The following MAP3K4 variants were observed in gnomAD, a reference collection of about 807,000 sequenced individuals.
MAP3K4 encodes mitogen-activated protein kinase kinase kinase 4.
In MAP3K4, 67 loss-of-function variants were observed where a neutral mutation model predicts 185.6. The ratio of observed to expected loss-of-function variants is 0.36; its 90% CI spans 0.30 to 0.44. The LOEUF (loss-of-function observed/expected upper bound fraction) is 0.44, where lower values mean the gene tolerates loss of function less well. Ranked by LOEUF, MAP3K4 falls within the 20% of genes least tolerant of loss-of-function variation. The pLI, the probability that MAP3K4 is intolerant of heterozygous loss-of-function variation, is 1.00. For synonymous variants in MAP3K4, 702 were observed against 710.4 expected (o/e 0.99, Z 0.19); for missense variants, 1,551 against 1,995.1 (o/e 0.78, Z 4.24).
At chr6:161,095,270 A>G (rs896815882) in intron 15 of MAP3K4, among the ~76,000 whole-genome samples, 1 of 152,148 alleles carries the variant, frequency 6.6e-6, no homozygotes, top group Non-Finnish European at 1.5e-5. Context: ...AACATCATTG[A>G]GCCTCTCTTT....
intron 1 of MAP3K4, 70 bp downstream of exon 1, chr6:160,992,153 C>A: frequency 7.0e-7 from 1 of 1,431,726 alleles, no homozygotes; most frequent in Non-Finnish European, 9.1e-7. Flanking sequence ...TCGGTCGGGC[C>A]CGAGGGCCTC....
rs1427529392 is a variant in MAP3K4 at position 161,106,756 on chromosome 6, A to AAT, written c.4048+53_4048+54dup. On this transcript the variant is annotated intron_variant, in intron 20 of 26. Coordinates refer to ENST00000392142, the MANE Select transcript of MAP3K4 (RefSeq NM_005922.4). The surrounding 1 kb of genome is among the most constrained non-coding windows in gnomAD (Gnocchi z 4.9). ...CAAGATAGTCCCTGTTAGAAGTAGC[A>AAT]ATAGTTATACTTCTTTAGGTTGAAT... is the stretch of plus-strand genomic sequence containing the variant. The AAT allele has an allele frequency of 3.4e-6, 5 of 1,452,350 alleles. No homozygotes were observed. Among genetic ancestry groups the AAT allele is most frequent in the Non-Finnish European group, 4.7e-6 (5 of 1,061,172 alleles). The allele number at this position is 1,452,350 out of a possible 1,614,324, so 90.0% of individuals were successfully genotyped here. A position where few individuals can be genotyped will look rare whatever the true frequency, so the allele number is the denominator to read the frequency against.
Position 161,098,337 on chromosome 6 carries a change from CT to C in MAP3K4, c.3585del (p.Ala1196LeufsTer43). On this transcript the variant is annotated frameshift_variant, in exon 17 of 27. Transcript: ENST00000392142. LOFTEE classifies it high-confidence loss of function. The surrounding 1 kb of genome is among the most constrained non-coding windows in gnomAD (Gnocchi z 4.4). ...GGCAGCCCTGCTGCTGCTGCTGCTG[CT>C]GCTGCTGCTGCTGTTGCTGCCAGTC... ...SHGSPAAAAAAAAAAVAASRP... is the reference protein window; with the variant it reads ...SHGSPAAAAAXAAAAVAASRP... 1 of 1,613,112 alleles carries C rather than the reference CT, an allele frequency of 6.2e-7. No homozygotes were observed. The highest frequency in any genetic ancestry group is 8.5e-7 in the Non-Finnish European group (1 of 1,179,680).
Position 161,080,428 on chromosome 6 carries a change from C to G in MAP3K4, c.2098-453C>G, listed in dbSNP as rs931434639. On this transcript the variant is annotated intron_variant, in intron 5 of 26. Transcript: ENST00000392142. This position sits in a 1 kb window ranked among gnomAD's most constrained non-coding sequence, Gnocchi z 4.8. ...TTGAAAACATTTTATCACGCAAATC[C>G]GGATGTTAGGAAGGGGTGGTGCGAA... 2.0e-5 allele frequency among the ~76,000 whole-genome samples: 3 copies of G among 152,056 alleles called. No individual in the cohort carries two copies. The highest frequency in any genetic ancestry group is 2.9e-5 in the Non-Finnish European group (2 of 68,024).
intron 1 of MAP3K4, among the ~76,000 whole-genome samples, chr6:161,002,493 G>C (rs1472123640): frequency 6.6e-6 from 1 of 150,438 alleles, no homozygotes; most frequent in East Asian, 2.0e-4. Context: ...AAATTTTCCT[G>C]ATTATAAAGG....
rs1032101723 is a variant in MAP3K4, at chr6:161,064,382, C to T, written c.1708-6226C>T. On this transcript the variant is annotated intron_variant, in intron 3 of 26. Transcript: ENST00000392142. The surrounding 1 kb of genome is among the most constrained non-coding windows in gnomAD (Gnocchi z 4.3). The stretch of plus-strand genomic sequence containing the variant: ...GAGGTATAGTATGAGGTAAGCATGT[C>T]ATTATTTTTCTGTTAATTGCTTATA... Among the ~76,000 whole-genome samples the T allele has an allele frequency of 6.6e-6, 1 of 151,700 alleles. No homozygotes were observed. The highest frequency in any genetic ancestry group is 2.4e-5 in the African/African-American group (1 of 41,326).
Position 161,110,977 on chromosome 6 carries a change from G to C in MAP3K4, c.4397-859G>C, listed in dbSNP as rs1778320652. Among the ~76,000 whole-genome samples, 1 of 152,202 alleles carries C rather than the reference G, an allele frequency of 6.6e-6. No individual in the cohort carries two copies. ...GCAGGAAGAGACTCCCTTAGAATCT[G>C]AAGCAGGTCAGCTCACTGGTGTCTT... On this transcript the variant is annotated intron_variant, in intron 23 of 26. Coordinates refer to ENST00000392142, the MANE Select transcript of MAP3K4 (RefSeq NM_005922.4). This position sits in a 1 kb window ranked among gnomAD's most constrained non-coding sequence, Gnocchi z 4.8.
intron 2 of MAP3K4, among the ~76,000 whole-genome samples, chr6:161,041,366 C>T (rs900387884): frequency 2.6e-5 from 4 of 152,200 alleles, no homozygotes; most frequent in Non-Finnish European, 5.9e-5. Flanking sequence ...CTCTACGCTG[C>T]CAGTCATCCC....
chr6:161,106,672 G>C lies in MAP3K4; in HGVS notation c.4015G>C (p.Val1339Leu). The C allele has an allele frequency of 6.2e-7, 1 of 1,611,656 alleles. No homozygotes were observed. The highest frequency in any genetic ancestry group is 8.5e-7 in the Non-Finnish European group (1 of 1,178,956). The part of the protein sequence containing the change: ...DNVMHVGLRK[V>L]TFKWQRGNKI... ...TGTTATGCACGTTGGCTTGAGGAAG[G>C]TGACCTTCAAATGGCAAAGAGGAAA... Residue 1339 changes from valine to leucine, a missense_variant, in exon 20 of 27, where the codon GTG becomes CTG. Val to Leu is a conservative substitution (Grantham distance 32). Around this residue, in one of 16 missense-constraint regions of MAP3K4, gnomAD observed 7 missense variants for 32.4 expected, o/e 0.22. Coordinates refer to ENST00000392142, the MANE Select transcript of MAP3K4 (RefSeq NM_005922.4). The surrounding 1 kb of genome is among the most constrained non-coding windows in gnomAD (Gnocchi z 4.9).
rs1777859463 is a variant in MAP3K4 at position 161,102,011 on chromosome 6, T to C, written c.3775+19T>C. 1 of 1,589,184 alleles carries C rather than the reference T, an allele frequency of 6.3e-7. No individual in the cohort carries two copies. The highest frequency in any genetic ancestry group is 8.6e-7 in the Non-Finnish European group (1 of 1,157,722). On this transcript the variant is annotated intron_variant, in intron 18 of 26. Coordinates refer to ENST00000392142, the MANE Select transcript of MAP3K4 (RefSeq NM_005922.4). ...CGAGATGGTGAGTGTTTTAAGGTGTTAGCTGCATTCACAACCAGTCTAATC... is the reference window on the plus strand; with the variant it reads ...CGAGATGGTGAGTGTTTTAAGGTGTCAGCTGCATTCACAACCAGTCTAATC...
In MAP3K4 at chr6:161,000,003, C is replaced by T. The variant is rs149254283; in HGVS notation, c.152+7920C>T. The stretch of plus-strand genomic sequence containing the variant: ...TTTCAGATACGTTGTTATTTTCAGG[C>T]GTCGGTCTGTACATCAAGAAGACAG... On this transcript the variant is annotated intron_variant, in intron 1 of 26. Transcript: ENST00000392142. Among the ~76,000 whole-genome samples the T allele has an allele frequency of 2.1e-3, 315 of 152,214 alleles. 3 individuals carry two copies. Among genetic ancestry groups the T allele is most frequent in the African/African-American group, 6.6e-3 (274 of 41,526 alleles).
chr6:161,014,133 C>A (rs1781973005), intron 1 of MAP3K4, among the ~76,000 whole-genome samples: 1 of 152,160 alleles, frequency 6.6e-6, no homozygotes, highest in Non-Finnish European at 1.5e-5. Context: ...TTGTAATAAC[C>A]TTGCTGGTTC....
At position 161,091,941 on chromosome 6, in the gene MAP3K4, G is replaced by A; in HGVS notation, c.3136-69G>A. ...GTTTTTAGAAAACATTTTAGACATG[G>A]CATTATAGTGTGTGATATTATTTAA... On this transcript the variant is annotated intron_variant, in intron 12 of 26. Coordinates refer to ENST00000392142, the MANE Select transcript of MAP3K4 (RefSeq NM_005922.4). The surrounding 1 kb of genome is among the most constrained non-coding windows in gnomAD (Gnocchi z 5.5). 1 of 1,296,406 alleles carries A rather than the reference G, an allele frequency of 7.7e-7. No individual in the cohort carries two copies. The highest frequency in any genetic ancestry group is 1.7e-5 in the Admixed American group (1 of 57,528). 80.3% of individuals were successfully genotyped at this position (1,296,406 alleles called of 1,614,324 possible). A position where few individuals can be genotyped will look rare whatever the true frequency, so the allele number is the denominator to read the frequency against.
chr6:161,090,624 G>C (rs1276245378), intron 11 of MAP3K4, among the ~76,000 whole-genome samples: 1 of 58,764 alleles, frequency 1.7e-5, no homozygotes, highest in Non-Finnish European at 4.2e-5. Flanking sequence ...GCCGTCCTGC[G>C]CATTGTAGGA....
At chr6:161,010,322 T>C (rs1781787256) in intron 1 of MAP3K4, among the ~76,000 whole-genome samples, 1 of 152,212 alleles carries the variant, frequency 6.6e-6, no homozygotes, top group African/African-American at 2.4e-5. Flanking sequence ...ATCATATTTT[T>C]TGGTTTGTTA....
At position 161,090,461 on chromosome 6, in the gene MAP3K4, A is replaced by C. The variant is rs552105621; in HGVS notation, c.2974-918A>C. Among the ~76,000 whole-genome samples the C allele has an allele frequency of 1.3e-4, 18 of 139,268 alleles. 1 individual carries two copies. Among genetic ancestry groups the C allele is most frequent in the Admixed American group, 1.2e-3 (17 of 13,948 alleles). The allele number at this position is 139,268 out of a possible 152,430, so 91.4% of individuals were successfully genotyped here. ...ATTGTAGGATGTTTAGAGCTAGGGC[A>C]GGGCTTCTCAGCCTCTTGGATGTGG... On this transcript the variant is annotated intron_variant, in intron 11 of 26. Coordinates refer to ENST00000392142, the MANE Select transcript of MAP3K4 (RefSeq NM_005922.4).
Position 161,017,866 on chromosome 6 carries a change from G to A in MAP3K4, c.153-16393G>A, listed in dbSNP as rs1423751740. Among the ~76,000 whole-genome samples, 3 of 152,098 alleles carry A rather than the reference G, an allele frequency of 2.0e-5. No homozygotes were observed. Among genetic ancestry groups the A allele is most frequent in the East Asian group, 3.8e-4 (2 of 5,204 alleles). On this transcript the variant is annotated intron_variant, in intron 1 of 26. Transcript: ENST00000392142. This position sits in a 1 kb window ranked among gnomAD's most constrained non-coding sequence, Gnocchi z 5.1. ...AAATGTGTGATGAAGCTGATTGTGC[G>A]TTATGTTATTATAACCCTAAAAATA...
chr6:161,004,542 C>T (rs1316815483), intron 1 of MAP3K4, among the ~76,000 whole-genome samples: 3 of 152,024 alleles, frequency 2.0e-5, no homozygotes, highest in Admixed American at 6.6e-5. Context: ...TTTCGGGGAC[C>T]ACCATCTGGG....
intron 2 of MAP3K4, among the ~76,000 whole-genome samples, chr6:161,041,912 C>CTTGTTTTTTTTT (rs1783474224): frequency 9.4e-5 from 6 of 64,048 alleles, no homozygotes; most frequent in African/African-American, 3.1e-4. Flanking sequence ...GTTATTGTTT[C>CTTGTTTTTTTTT]TTTTTTTTTT....
Sources: gnomAD v4.1 joint callset for allele counts (sites outside exome capture counted in the v4.1 genomes callset) on GRCh38, gnomAD v4.1.1 for gene constraint, gnomAD v4.1.1 regional missense constraint, Gnocchi (gnomAD v3.1) non-coding constraint, MANE v1.5 for transcripts, NCBI Gene and HGNC (gene_info 2026-07-23, HGNC 2026-07-21) for gene names.